NRG3: variants seen among roughly 807,000 people sequenced by gnomAD.
The protein encoded by NRG3 is pro-neuregulin-3, membrane-bound isoform.
Under a neutral mutation model 66.9 loss-of-function variants are expected in NRG3, and 31 were observed. The ratio of observed to expected loss-of-function variants is 0.46; its 90% CI spans 0.35 to 0.63. The LOEUF (loss-of-function observed/expected upper bound fraction) is 0.63, where lower values mean the gene tolerates loss of function less well. Among genes scored for constraint, NRG3 ranks in the 20% least tolerant of loss-of-function variants. NRG3 has a pLI of 0.00. For synonymous variants in NRG3, 393 were observed against 359.4 expected, an observed-to-expected ratio of 1.09 and a Z score of -1.06; for missense variants, 910 against 878.9, an observed-to-expected ratio of 1.04 and a Z score of -0.45.
At chr10:82,822,397 G>A (rs1312384279) in intron 3 of NRG3, among the ~76,000 whole-genome samples, 3 of 152,028 alleles carry the variant, frequency 2.0e-5, no homozygotes, top group African/African-American at 7.2e-5. Flanking sequence ...AGGGAGAGAG[G>A]CACTAGCCAG....
intron 1 of NRG3, among the ~76,000 whole-genome samples, chr10:82,110,795 A>G (rs1217064397): frequency 6.6e-6 from 1 of 152,116 alleles, no homozygotes; most frequent in Non-Finnish European, 1.5e-5. Context: ...TCAAAAGGGT[A>G]ATGGCCTACA....
At chr10:82,571,124 T>C (rs1055297446) in intron 2 of NRG3, among the ~76,000 whole-genome samples, 8 of 151,668 alleles carry the variant, frequency 5.3e-5, no homozygotes, top group Non-Finnish European at 8.9e-5. Flanking sequence ...CTATGTCTTC[T>C]AGGTTTTGTA....
At chr10:82,069,690 G>A (rs2133312688) in intron 1 of NRG3, among the ~76,000 whole-genome samples, 1 of 152,282 alleles carries the variant, frequency 6.6e-6, no homozygotes, top group Non-Finnish European at 1.5e-5. Flanking sequence ...AAGAAACGGA[G>A]TCTGGATTGT....
intron 1 of NRG3, among the ~76,000 whole-genome samples, chr10:82,127,577 T>C (rs1219004233): frequency 2.0e-5 from 3 of 152,032 alleles, no homozygotes; most frequent in African/African-American, 7.2e-5. Context: ...GCTTAGTTAA[T>C]ACTTTGGGCA....
chr10:82,769,065 G>C (rs1246716796), intron 3 of NRG3, among the ~76,000 whole-genome samples: 4 of 152,092 alleles, frequency 2.6e-5, no homozygotes, highest in Non-Finnish European at 4.4e-5. Context: ...GACGACTACA[G>C]ATGAAAGGCT....
At chr10:82,955,289 G>T (rs1421544713) in intron 5 of NRG3, 1 of 151,872 alleles carries the variant, frequency 6.6e-6, no homozygotes, top group East Asian at 1.9e-4. Flanking sequence ...AGGATTTTTT[G>T]ATGGAGTTAA....
At chr10:82,777,017 C>T (rs976201858) in intron 3 of NRG3, among the ~76,000 whole-genome samples, 2 of 151,956 alleles carry the variant, frequency 1.3e-5, no homozygotes, top group Non-Finnish European at 1.5e-5. Flanking sequence ...GTGTTGATAT[C>T]TGTGCATCTA....
chr10:82,221,925 A>G (rs1747036032), intron 1 of NRG3, among the ~76,000 whole-genome samples: 3 of 150,948 alleles, frequency 2.0e-5, no homozygotes, highest in South Asian at 2.1e-4. Context: ...CAAACTAACC[A>G]CTCCCATCCA....
intron 1 of NRG3, among the ~76,000 whole-genome samples, chr10:81,929,710 C>T (rs931823870): frequency 6.6e-6 from 1 of 152,164 alleles, no homozygotes; most frequent in Non-Finnish European, 1.5e-5. Flanking sequence ...TCTCATTGCA[C>T]TCTATCCAAT....
intron 2 of NRG3, among the ~76,000 whole-genome samples, chr10:82,697,608 A>G (rs1162118614): frequency 6.6e-6 from 1 of 152,212 alleles, no homozygotes; most frequent in East Asian, 1.9e-4. Context: ...ATAAAATATT[A>G]TATTACCAAC....
intron 1 of NRG3, among the ~76,000 whole-genome samples, chr10:82,244,890 T>C (rs1346062549): frequency 3.3e-5 from 5 of 151,894 alleles, no homozygotes; most frequent in African/African-American, 1.2e-4. Context: ...CCCACCACCA[T>C]GCCCGGCTAA....
At chr10:82,130,502 G>A (rs1219360436) in intron 1 of NRG3, among the ~76,000 whole-genome samples, 1 of 152,102 alleles carries the variant, frequency 6.6e-6, no homozygotes, top group African/African-American at 2.4e-5. Flanking sequence ...ATAAACATGG[G>A]TGTGTGGATA....
intron 1 of NRG3, among the ~76,000 whole-genome samples, chr10:81,910,440 C>T (rs1845023274): frequency 6.6e-6 from 1 of 152,154 alleles, no homozygotes; most frequent in Non-Finnish European, 1.5e-5. Flanking sequence ...TGGATCAACA[C>T]TAATTTATAA....
At chr10:82,048,482 C>T (rs2063422890) in intron 1 of NRG3, among the ~76,000 whole-genome samples, 1 of 151,814 alleles carries the variant, frequency 6.6e-6, no homozygotes, top group Non-Finnish European at 1.5e-5. Context: ...AACTGAACAA[C>T]CTGCTCCTGA....
intron 1 of NRG3, among the ~76,000 whole-genome samples, chr10:82,343,007 C>T (rs570082021): frequency 6.6e-6 from 1 of 152,132 alleles, no homozygotes; most frequent in African/African-American, 2.4e-5. Context: ...TTTTCCAGAA[C>T]CATTTATTGA....
At chr10:82,665,338 T>A (rs59180457) in intron 2 of NRG3, among the ~76,000 whole-genome samples, 1 of 152,210 alleles carries the variant, frequency 6.6e-6, no homozygotes, top group African/African-American at 2.4e-5. Flanking sequence ...AGCCTGCTTA[T>A]TATCATCAAC....
chr10:82,140,230 C>A (rs2069669071), intron 1 of NRG3, among the ~76,000 whole-genome samples: 1 of 152,070 alleles, frequency 6.6e-6, no homozygotes, highest in South Asian at 2.1e-4. Flanking sequence ...TATTATTTTA[C>A]GGATTTCCCT....
intron 3 of NRG3, among the ~76,000 whole-genome samples, chr10:82,839,983 T>C (rs2062976903): frequency 6.6e-6 from 1 of 152,162 alleles, no homozygotes; most frequent in South Asian, 2.1e-4. Flanking sequence ...TTATGCTACC[T>C]TCCTTCTTCA....
At chr10:81,968,226 T>G (rs1377846091) in intron 1 of NRG3, among the ~76,000 whole-genome samples, 1 of 152,212 alleles carries the variant, frequency 6.6e-6, no homozygotes, top group Non-Finnish European at 1.5e-5. Flanking sequence ...GGTAGGCCTC[T>G]TACAGGATTC....
Sources: allele counts gnomAD v4.1 joint callset (sites outside exome capture counted in the v4.1 genomes callset), GRCh38; gene constraint gnomAD v4.1.1; transcripts MANE v1.5; gene names NCBI Gene and HGNC (gene_info 2026-07-23, HGNC 2026-07-21).